Variants in DIP2A observed in about 807,000 individuals in gnomAD.
The protein encoded by DIP2A is DIP2 acetate--CoA ligase A.
Under a neutral mutation model 177.4 loss-of-function variants are expected in DIP2A, and 85 were observed. The ratio of observed to expected loss-of-function variants is 0.48; its 90% CI spans 0.40 to 0.57. DIP2A has a LOEUF of 0.57. Among genes scored for constraint, DIP2A ranks in the 20% least tolerant of loss-of-function variants. The pLI is 0.00. For missense variants in DIP2A, 1,791 were observed against 2,100.2 expected, an observed-to-expected ratio of 0.85 and a Z score of 2.88; for synonymous variants, 886 against 881.8, an observed-to-expected ratio of 1.00 and a Z score of -0.08.
At chr21:46,508,942 C>G (rs529771037) in intron 6 of DIP2A, among the ~76,000 whole-genome samples, 1 of 152,106 alleles carries the variant, frequency 6.6e-6, no homozygotes, top group African/African-American at 2.4e-5. Flanking sequence ...TCGCTTGAAC[C>G]CAGGAGGCGG....
intron 18 of DIP2A, 68 bp from the exon 19 acceptor site, chr21:46,545,069 A>C: frequency 3.4e-6 from 5 of 1,466,928 alleles, no homozygotes; most frequent in South Asian, 1.4e-5. Context: ...TACAGCAGCA[A>C]GGAGATCTTT....
chr21:46,543,541 G>A (rs80202619), intron 18 of DIP2A, among the ~76,000 whole-genome samples: 7,004 of 24,716 alleles, frequency 0.28, 215 homozygotes, highest in Non-Finnish European at 0.32. Flanking sequence ...CGTGCAAAGC[G>A]CTCCCCCAGG....
chr21:46,550,841 C>G, intron 23 of DIP2A, 97 bp downstream of exon 23: 1 of 1,236,740 alleles, frequency 8.1e-7, no homozygotes, highest in Non-Finnish European at 1.1e-6. Flanking sequence ...CCAGTGCCAA[C>G]TGCCCACGTC....
At chr21:46,555,901 G>A (rs1351973346) in intron 28 of DIP2A, 81 bp from the exon 29 acceptor site, 8 of 1,048,232 alleles carry the variant, frequency 7.6e-6, no homozygotes, top group Non-Finnish European at 1.2e-5. Flanking sequence ...CAAATCATGT[G>A]TCGCCTCTTG....
At position 46,541,852 on chromosome 21, in the gene DIP2A, G is replaced by T; in HGVS notation, c.2133G>T (p.Leu711Phe). ...TCAGAGTGGATACTGAAGAAAAGTT[G>T]TCAGTCCTTACTGTTCAGGACGTTG... Reference protein sequence around the residue: ...GVIRVDTEEKLSVLTVQDVGQ... With the variant: ...GVIRVDTEEKFSVLTVQDVGQ... The change falls in exon 18 of 38, where the codon TTG becomes TTT. Residue 711 changes from leucine (L) to phenylalanine (F), a missense_variant. Coordinates refer to ENST00000417564, the MANE Select transcript of DIP2A (RefSeq NM_015151.4). The T allele has an allele frequency of 1.2e-6, 2 of 1,614,058 alleles. No individual in the cohort carries two copies. The highest frequency in any genetic ancestry group is 1.7e-6 in the Non-Finnish European group (2 of 1,179,906).
intron 2 of DIP2A, among the ~76,000 whole-genome samples, chr21:46,486,070 CAA>C (rs1174271396): frequency 1.7e-5 from 1 of 60,036 alleles, no homozygotes. Context: ...GACTTCATCT[CAA>C]AAAAAAAAAA....
chr21:46,507,813 G>A (rs965075898), intron 6 of DIP2A, among the ~76,000 whole-genome samples: 17 of 146,530 alleles, frequency 1.2e-4, no homozygotes, highest in Admixed American at 9.8e-4. Context: ...CGATTCTCCT[G>A]CCTTAGCCTC....
In DIP2A at chr21:46,459,164, G is replaced by T; in HGVS notation, c.33G>T (p.Ala11=). ...ACCGCGGGTGCCCGCTGGAGGCGGC[G>T]CCGCTGCCTGCCGAGGTGCGGGAGA... MADRGCPLEA[A]PLPAEVRESL... The change falls in exon 1 of 38, where the codon GCG becomes GCT. Residue 11 remains alanine, a synonymous_variant. Transcript: ENST00000417564. 6.6e-7 allele frequency: 1 copy of T among 1,519,694 alleles called. No individual in the cohort carries two copies. Among genetic ancestry groups the T allele is most frequent in the Non-Finnish European group, 8.8e-7 (1 of 1,134,626 alleles). The allele number at this position is 1,519,694 out of a possible 1,614,324, so 94.1% of individuals were successfully genotyped here.
chr21:46,533,669 G>T (rs1426464332), intron 11 of DIP2A, 22 bp downstream of exon 11: 1 of 1,613,922 alleles, frequency 6.2e-7, no homozygotes, highest in South Asian at 1.1e-5. Flanking sequence ...CAAGGGAAGG[G>T]GAGTCAGTGT....
In DIP2A at chr21:46,563,474, C is replaced by A. The variant is rs2060735395; in HGVS notation, c.4090-384C>A. Among the ~76,000 whole-genome samples the A allele has an allele frequency of 6.6e-6, 1 of 152,134 alleles. No individual in the cohort carries two copies. The highest frequency in any genetic ancestry group is 2.4e-5 in the African/African-American group (1 of 41,418). ...GGAAGAACTTCCTCATGGTCAGGTT[C>A]CTGGCCAAGAACTAGGACAGACATG... On this transcript the variant is annotated intron_variant, in intron 34 of 37. Coordinates refer to ENST00000417564, the MANE Select transcript of DIP2A (RefSeq NM_015151.4). This position sits in a 1 kb window ranked among gnomAD's most constrained non-coding sequence, Gnocchi z 4.3.
intron 18 of DIP2A, among the ~76,000 whole-genome samples, chr21:46,543,241 T>TG (rs1421926953): frequency 5.9e-5 from 9 of 152,200 alleles, no homozygotes; most frequent in African/African-American, 1.7e-4. Flanking sequence ...CAGCAATCAT[T>TG]GGGGTGTCAC....
chr21:46,503,892 A>T (rs185144809), intron 5 of DIP2A, among the ~76,000 whole-genome samples: 22 of 152,098 alleles, frequency 1.4e-4, no homozygotes, highest in African/African-American at 5.3e-4. Context: ...CGCCCGGCTG[A>T]TTTTTGTATT....
At position 46,498,895 on chromosome 21, in the gene DIP2A, G is replaced by A. The variant is rs2057505161; in HGVS notation, c.655+62G>A. 6.7e-7 allele frequency: 1 copy of A among 1,500,656 alleles called. No individual in the cohort carries two copies. The allele number at this position is 1,500,656 out of a possible 1,614,324, so 93.0% of individuals were successfully genotyped here. On this transcript the variant is annotated intron_variant, in intron 5 of 37. Transcript: ENST00000417564. The surrounding 1 kb of genome is among the most constrained non-coding windows in gnomAD (Gnocchi z 4.3). ...AGCGGGGTCAGGAGTGTCCAGGACA[G>A]AGGAGCAGATGGAGGGCACCTGAGC...
rs985230212 is a variant in DIP2A at position 46,557,153 on chromosome 21, T to G, written c.3629+84T>G. The G allele has an allele frequency of 6.9e-7, 1 of 1,451,922 alleles. No homozygotes were observed. The highest frequency in any genetic ancestry group is 1.4e-5 in the African/African-American group (1 of 70,842). The allele number at this position is 1,451,922 out of a possible 1,614,324, so 89.9% of individuals were successfully genotyped here. A position where few individuals can be genotyped will look rare whatever the true frequency, so the allele number is the denominator to read the frequency against. ...CCTTGGCCTTCTAAGGCACCTTTTC[T>G]GGGTGCTCAGGAAGCCGATGAGATG... On this transcript the variant is annotated intron_variant, in intron 30 of 37. Coordinates refer to ENST00000417564, the MANE Select transcript of DIP2A (RefSeq NM_015151.4). The surrounding 1 kb of genome is among the most constrained non-coding windows in gnomAD (Gnocchi z 6.0).
chr21:46,513,446 G>T (rs559129842), intron 8 of DIP2A, among the ~76,000 whole-genome samples: 3 of 152,056 alleles, frequency 2.0e-5, no homozygotes, highest in Admixed American at 6.6e-5. Context: ...TCCTGTTGGC[G>T]GGGGGTGTTG....
chr21:46,550,617 T>C lies in DIP2A; in HGVS notation c.2712T>C (p.Pro904=), dbSNP rs1338284006. ...CTGCCAACACCTTGCCCAAGGCTCC[T>C]CTCGGAGGGATTCACATTTCTGAAA... ...LVPANTLPKA[P]LGGIHISETK... is the part of the protein sequence containing the mutation. Residue 904 remains proline, a synonymous_variant, in exon 23 of 38, where the codon CCT becomes CCC. Transcript: ENST00000417564. The C allele has an allele frequency of 6.2e-7, 1 of 1,613,844 alleles. No individual in the cohort carries two copies. Among genetic ancestry groups the C allele is most frequent in the Middle Eastern group, 1.6e-4 (1 of 6,062 alleles).
intron 1 of DIP2A, among the ~76,000 whole-genome samples, chr21:46,472,087 A>T (rs1458969328): frequency 6.6e-6 from 1 of 152,196 alleles, no homozygotes; most frequent in African/African-American, 2.4e-5. Flanking sequence ...CCTTAAGGAG[A>T]TATTTAAGAT....
chr21:46,466,229 C>T (rs991884601), intron 1 of DIP2A, among the ~76,000 whole-genome samples: 13 of 151,638 alleles, frequency 8.6e-5, no homozygotes, highest in Admixed American at 3.9e-4. Flanking sequence ...CATTGCACCA[C>T]GTTACAAAGT....
At chr21:46,538,688 A>C in intron 16 of DIP2A, 86 bp downstream of exon 16, 1 of 1,492,840 alleles carries the variant, frequency 6.7e-7, no homozygotes, top group Non-Finnish European at 9.0e-7. Flanking sequence ...AGCAAAATGG[A>C]GGCATTTTCA....
Sources: allele counts gnomAD v4.1 joint callset (sites outside exome capture counted in the v4.1 genomes callset), GRCh38; gene constraint gnomAD v4.1.1; non-coding constraint Gnocchi (gnomAD v3.1); transcripts MANE v1.5; gene names NCBI Gene and HGNC (gene_info 2026-07-23, HGNC 2026-07-21).